PDGFD: variants seen among roughly 807,000 people sequenced by gnomAD.
PDGFD encodes the protein platelet derived growth factor D, also known as platelet-derived growth factor D.
PDGFD carries 30 observed loss-of-function variants against 44.7 expected under a neutral mutation model. That is an observed-to-expected ratio of 0.67 (90% CI 0.50 to 0.91). The LOEUF (loss-of-function observed/expected upper bound fraction) is 0.91. Among genes scored for constraint, PDGFD ranks in the 40% least tolerant of loss-of-function variants. PDGFD has a pLI of 0.00. For missense variants in PDGFD, 445 were observed against 457.8 expected (o/e 0.97, Z 0.25); for synonymous variants, 173 against 168.4 (o/e 1.03, Z -0.21).
chr11:104,065,688 G>A (rs990682934), intron 1 of PDGFD, among the ~76,000 whole-genome samples: 1 of 152,100 alleles, frequency 6.6e-6, no homozygotes, highest in Admixed American at 6.6e-5. Context: ...CAACCTTTGG[G>A]TAATGTCATT....
intron 1 of PDGFD, among the ~76,000 whole-genome samples, chr11:104,162,408 AAG>A (rs1862403954): frequency 6.6e-6 from 1 of 150,658 alleles, no homozygotes; most frequent in Non-Finnish European, 1.5e-5. Context: ...TTAAAGAGTA[AAG>A]ACAAAAAACC....
chr11:104,059,269 T>C (rs1860671925), intron 1 of PDGFD, among the ~76,000 whole-genome samples: 1 of 152,156 alleles, frequency 6.6e-6, no homozygotes, highest in Admixed American at 6.5e-5. Flanking sequence ...TGTCTGACAT[T>C]CCTAAGCAAA....
intron 3 of PDGFD, among the ~76,000 whole-genome samples, chr11:103,967,083 G>T (rs1000071577): frequency 1.3e-5 from 2 of 152,142 alleles, no homozygotes; most frequent in Admixed American, 6.5e-5. Context: ...CTATGAAAGG[G>T]ATGCCACTCA....
At chr11:104,091,862 G>T (rs1861216698) in intron 1 of PDGFD, among the ~76,000 whole-genome samples, 1 of 152,150 alleles carries the variant, frequency 6.6e-6, no homozygotes, top group African/African-American at 2.4e-5. Context: ...TAAGCTGTCA[G>T]AAATAACTAC....
chr11:104,163,932 G>A lies in PDGFD; in HGVS notation c.-5C>T, dbSNP rs1025977879. 1.9e-6 allele frequency: 3 copies of A among 1,539,024 alleles called. No homozygotes were observed. Among genetic ancestry groups the A allele is most frequent in the Middle Eastern group, 3.5e-4 (2 of 5,712 alleles). On this transcript the variant is annotated 5_prime_UTR_variant, in exon 1 of 7. Transcript: ENST00000393158. ...GACAAAGATGAGCCGGTGCATTTGG[G>A]ATCAGCGACTAGAGACAGCGTCGCT...
chr11:103,969,710 G>A (rs1739419288), intron 3 of PDGFD, among the ~76,000 whole-genome samples: 1 of 151,634 alleles, frequency 6.6e-6, no homozygotes. Flanking sequence ...CAGAGTTCTT[G>A]TCTTTTAAAA....
chr11:104,088,023 A>G (rs935178691), intron 1 of PDGFD, among the ~76,000 whole-genome samples: 1 of 152,242 alleles, frequency 6.6e-6, no homozygotes, highest in Non-Finnish European at 1.5e-5. Context: ...TGAAGGCTTT[A>G]TATTCTTGGT....
At chr11:104,027,434 C>CT in intron 1 of PDGFD, among the ~76,000 whole-genome samples, 1 of 152,298 alleles carries the variant, frequency 6.6e-6, no homozygotes, top group South Asian at 2.1e-4. Flanking sequence ...TGGTAGAGTG[C>CT]TTTTCTATTT....
chr11:103,999,014 C>A (rs1325197272), intron 2 of PDGFD, among the ~76,000 whole-genome samples: 1 of 151,988 alleles, frequency 6.6e-6, no homozygotes, highest in Non-Finnish European at 1.5e-5. Flanking sequence ...GGAAAAGACG[C>A]AAGATCAGCA....
chr11:104,048,377 A>G (rs1007652165), intron 1 of PDGFD, among the ~76,000 whole-genome samples: 18 of 151,728 alleles, frequency 1.2e-4, no homozygotes, highest in African/African-American at 4.4e-4. Context: ...TCTGCCATTC[A>G]TTTATTTTTC....
chr11:103,941,088 T>G (rs1169398460), intron 5 of PDGFD, among the ~76,000 whole-genome samples: 2 of 152,010 alleles, frequency 1.3e-5, no homozygotes, highest in Non-Finnish European at 2.9e-5. Context: ...GGATGAACAA[T>G]CTCTAAAGTA....
At chr11:104,113,664 T>C (rs1861593081) in intron 1 of PDGFD, among the ~76,000 whole-genome samples, 1 of 151,958 alleles carries the variant, frequency 6.6e-6, no homozygotes, top group South Asian at 2.1e-4. Context: ...CTAGATCATA[T>C]GATAAGAGTA....
At chr11:103,984,185 T>A (rs924714237) in intron 3 of PDGFD, among the ~76,000 whole-genome samples, 1 of 151,630 alleles carries the variant, frequency 6.6e-6, no homozygotes, top group African/African-American at 2.4e-5. Flanking sequence ...TTAGATTGGA[T>A]AAACAAAATG....
At chr11:103,996,271 A>C (rs376895689) in intron 2 of PDGFD, 26 bp from the exon 3 acceptor site, 24 of 1,569,272 alleles carry the variant, frequency 1.5e-5, no homozygotes, top group Admixed American at 7.4e-5. Flanking sequence ...CATAATGAAC[A>C]AGTTTTGATT....
chr11:103,991,317 T>C (rs989303117), intron 3 of PDGFD, among the ~76,000 whole-genome samples: 1 of 152,110 alleles, frequency 6.6e-6, no homozygotes, highest in Admixed American at 6.5e-5. Context: ...TCTCCTCCTC[T>C]CTTCCTTCTC....
chr11:104,034,645 CT>C (rs35283366), intron 1 of PDGFD, among the ~76,000 whole-genome samples: 64,324 of 143,586 alleles, frequency 0.45, 14,248 homozygotes, highest in Admixed American at 0.57. Context: ...GTGCAAAACA[CT>C]TTTTTTTTTT....
At chr11:103,947,793 C>A in intron 3 of PDGFD, 69 bp from the exon 4 acceptor site, 1 of 1,134,824 alleles carries the variant, frequency 8.8e-7, no homozygotes, top group Non-Finnish European at 1.3e-6. Flanking sequence ...ACAGTTTCAA[C>A]ATCTCAGCCT....
intron 3 of PDGFD, among the ~76,000 whole-genome samples, chr11:103,959,247 C>T (rs1858900838): frequency 6.6e-6 from 1 of 152,168 alleles, no homozygotes. Flanking sequence ...AGAGCTGCCA[C>T]CCATCATAAT....
At chr11:103,993,591 T>C (rs1217650270) in intron 3 of PDGFD, among the ~76,000 whole-genome samples, 3 of 152,118 alleles carry the variant, frequency 2.0e-5, no homozygotes, top group Non-Finnish European at 2.9e-5. Context: ...CTTAAGTTTA[T>C]AAACCCTGCT....
Sources: gnomAD v4.1 joint callset for allele counts (sites outside exome capture counted in the v4.1 genomes callset) on GRCh38, gnomAD v4.1.1 for gene constraint, MANE v1.5 for transcripts, NCBI Gene and HGNC (gene_info 2026-07-23, HGNC 2026-07-21) for gene names.